JAK1: variants seen among roughly 807,000 people sequenced by gnomAD.
The protein encoded by JAK1 is Janus kinase 1, also known as tyrosine-protein kinase JAK1.
JAK1 carries 16 observed loss-of-function variants against 136.6 expected under a neutral mutation model. The observed-to-expected ratio is 0.12, with a 90% CI of 0.08 to 0.18. JAK1 has a LOEUF of 0.18. Among genes scored for constraint, JAK1 ranks in the 10% least tolerant of loss-of-function variants. The pLI, the probability that JAK1 is intolerant of heterozygous loss-of-function variation, is 1.00. For synonymous variants in JAK1, 492 were observed against 519.5 expected (o/e 0.95, Z 0.72); for missense variants, 859 against 1,450.1 (o/e 0.59, Z 6.62).
intron 1 of JAK1, among the ~76,000 whole-genome samples, chr1:64,898,658 A>C (rs1645061155): frequency 6.6e-6 from 1 of 152,204 alleles, no homozygotes; most frequent in African/African-American, 2.4e-5. Context: ...ATGTGGACTC[A>C]AGGGTGTGGG....
chr1:64,940,464 G>T (rs556977980), intron 1 of JAK1, among the ~76,000 whole-genome samples: 3 of 151,938 alleles, frequency 2.0e-5, no homozygotes, highest in South Asian at 4.2e-4. Context: ...TTACAGGTGT[G>T]TGCCACCACA....
upstream of JAK1, chr1:64,966,607 G>A (rs1490988792): frequency 1.7e-5 from 1 of 57,512 alleles, no homozygotes; most frequent in Non-Finnish European, 3.4e-5. Flanking sequence ...CGTGGCCGCC[G>A]GGCCCACCCC....
rs1654883420 is a variant in JAK1, at chr1:64,841,261, A to G, written c.2633T>C (p.Ile878Thr). 4.3e-6 allele frequency: 7 copies of G among 1,613,896 alleles called. No individual in the cohort carries two copies. The highest frequency in any genetic ancestry group is 5.1e-6 in the Non-Finnish European group (6 of 1,179,790). Residue 878 changes from isoleucine to threonine, a missense_variant, in exon 19 of 25, where the codon ATC (isoleucine) becomes ACC (threonine). Physicochemically the swap from Ile to Thr is moderately conservative, Grantham distance 89. Around this residue, in one of 4 missense-constraint regions of JAK1, gnomAD observed 409 missense variants for 753.8 expected, o/e 0.54. Coordinates refer to ENST00000342505, the MANE Select transcript of JAK1 (RefSeq NM_002227.4). ...GTAACTTACCTCTCCCAAGTCACGG[A>G]TCCTCTTTAGGAAGCGCTTTTCAAA... ...THFEKRFLKRIRDLGEGHFGK... is the reference protein window; with the variant it reads ...THFEKRFLKRTRDLGEGHFGK...
At chr1:64,919,285 C>G (rs1048774605) in intron 1 of JAK1, among the ~76,000 whole-genome samples, 4 of 152,070 alleles carry the variant, frequency 2.6e-5, no homozygotes, top group African/African-American at 9.7e-5. Context: ...TTTGTCCTTG[C>G]GACAGTTTGC....
At chr1:64,898,188 G>A (rs974363829) in intron 1 of JAK1, among the ~76,000 whole-genome samples, 22 of 152,188 alleles carry the variant, frequency 1.4e-4, no homozygotes, top group Admixed American at 1.4e-3. Flanking sequence ...CCTGGTTGTC[G>A]CGTCTGGCTG....
chr1:64,968,368 GT>G (rs1293096813), upstream of JAK1, among the ~76,000 whole-genome samples: 1 of 152,132 alleles, frequency 6.6e-6, no homozygotes, highest in Non-Finnish European at 1.5e-5. Context: ...TAACAATTCA[GT>G]GATTCCCGGT....
At chr1:64,985,625 G>T in intron 2 of JAK1, 1 of 825,182 alleles carries the variant, frequency 1.2e-6, no homozygotes, top group South Asian at 1.6e-5. Context: ...CCAGCTGGTT[G>T]AGAGTGCCAA....
chr1:64,888,168 GT>G (rs1029276892), intron 1 of JAK1, among the ~76,000 whole-genome samples: 52 of 152,220 alleles, frequency 3.4e-4, no homozygotes, highest in African/African-American at 1.2e-3. Flanking sequence ...TTACAAAGGT[GT>G]TTTTCTGTTG....
rs2101132071 is a variant in JAK1, at chr1:64,869,432, G to A, written c.526C>T (p.Pro176Ser). The change falls in exon 6 of 25, where the codon CCC becomes TCC. Residue 176 changes from proline (P) to serine (S), a missense_variant. Transcript: ENST00000342505. ...LVKCLAPIRD[P>S]KTEQDGHDIE... Reference sequence around the variant, plus strand: ...TCATGTCCATCCTGCTCGGTCTTGGGGTCTCGAATAGGAGCCAGGCATTTC... The same window carrying A: ...TCATGTCCATCCTGCTCGGTCTTGGAGTCTCGAATAGGAGCCAGGCATTTC... 1 of 1,613,916 alleles carries A rather than the reference G, an allele frequency of 6.2e-7. No homozygotes were observed. The highest frequency in any genetic ancestry group is 2.2e-5 in the East Asian group (1 of 44,864).
At chr1:64,971,395 G>A (rs1646450392), upstream of JAK1, among the ~76,000 whole-genome samples, 1 of 152,040 alleles carries the variant, frequency 6.6e-6, no homozygotes, top group Admixed American at 6.6e-5. Context: ...TCTTGCTTTG[G>A]AGTGCAGTGG....
chr1:64,891,514 GCAC>G (rs1210635368), intron 1 of JAK1, among the ~76,000 whole-genome samples: 1 of 152,170 alleles, frequency 6.6e-6, no homozygotes, highest in Non-Finnish European at 1.5e-5. Context: ...CTCTGCCCTG[GCAC>G]CACTGCCACA....
At chr1:65,033,821 T>A (rs977438867) in intron 2 of JAK1, among the ~76,000 whole-genome samples, 3 of 152,048 alleles carry the variant, frequency 2.0e-5, no homozygotes, top group Admixed American at 2.0e-4. Flanking sequence ...CCATCACTCC[T>A]GCAGTTCACT....
At chr1:65,061,176 T>C (rs1647776717) in intron 1 of JAK1, among the ~76,000 whole-genome samples, 1 of 152,078 alleles carries the variant, frequency 6.6e-6, no homozygotes, top group Non-Finnish European at 1.5e-5. Flanking sequence ...CTCAGCGCCT[T>C]AGGAGGCTGA....
At chr1:64,940,199 G>C (rs893013046) in intron 1 of JAK1, among the ~76,000 whole-genome samples, 2 of 151,990 alleles carry the variant, frequency 1.3e-5, no homozygotes, top group African/African-American at 4.8e-5. Flanking sequence ...AGTTACTATG[G>C]AACAAATACA....
chr1:64,890,915 G>A lies in JAK1; in HGVS notation c.-77-4574C>T, dbSNP rs563004431. Among the ~76,000 whole-genome samples the A allele has an allele frequency of 8.5e-5, 13 of 152,248 alleles. No individual in the cohort carries two copies. In the South Asian group the frequency reaches 2.1e-3, roughly 24 times the overall value. On this transcript the variant is annotated intron_variant, in intron 1 of 24. Transcript: ENST00000342505. ...GGGTTTGAATTCTGGCGTCTCCACC[G>A]ACTAGCTATTGTAATCTTAGGCAAG... is the stretch of plus-strand genomic sequence containing the variant.
intron 2 of JAK1, among the ~76,000 whole-genome samples, chr1:65,031,270 G>A (rs1021676764): frequency 6.6e-6 from 1 of 151,356 alleles, no homozygotes; most frequent in African/African-American, 2.4e-5. Context: ...GCAGCATCAT[G>A]TACTTTCTCA....
In JAK1 at chr1:64,869,467, T is replaced by C. The variant is rs1308876456; in HGVS notation, c.491A>G (p.Tyr164Cys). ...SLEYLFAQGQ[Y>C]DLVKCLAPIR... ...AGGAGCCAGGCATTTCACCAAATCA[T>C]ACTGTCCCTAGGAGCAAGGGGGAGA... Residue 164 changes from tyrosine (Y) to cysteine (C), a missense_variant, in exon 6 of 25, where the codon TAT becomes TGT. Physicochemically the swap from Tyr to Cys is radical, Grantham distance 194 (BLOSUM62 -2). Transcript: ENST00000342505. 1 of 1,613,726 alleles carries C rather than the reference T, an allele frequency of 6.2e-7. No homozygotes were observed. Among genetic ancestry groups the C allele is most frequent in the Non-Finnish European group, 8.5e-7 (1 of 1,179,846 alleles).
At chr1:64,954,908 A>G (rs2100596458) in intron 1 of JAK1, among the ~76,000 whole-genome samples, 1 of 152,352 alleles carries the variant, frequency 6.6e-6, no homozygotes, top group African/African-American at 2.4e-5. Flanking sequence ...CTTTATATAA[A>G]AGAAAACACA....
intron 1 of JAK1, among the ~76,000 whole-genome samples, chr1:64,953,159 A>G (rs1646121160): frequency 6.6e-6 from 1 of 152,218 alleles, no homozygotes; most frequent in African/African-American, 2.4e-5. Context: ...AGGTGTAAAC[A>G]TTATGTAATC....
Sources: allele counts gnomAD v4.1 joint callset (sites outside exome capture counted in the v4.1 genomes callset), GRCh38; gene constraint gnomAD v4.1.1; regional missense constraint gnomAD v4.1.1; transcripts MANE v1.5; gene names NCBI Gene and HGNC (gene_info 2026-07-23, HGNC 2026-07-21).